CEP162: variants seen among roughly 807,000 people sequenced by gnomAD.
CEP162 encodes centrosomal protein 162.
CEP162 carries 141 observed loss-of-function variants against 169.2 expected under a neutral mutation model. The observed-to-expected ratio is 0.83, with a 90% CI of 0.73 to 0.96. The LOEUF (loss-of-function observed/expected upper bound fraction) is 0.96. CEP162 is among the 40% of genes least tolerant of loss of function. The pLI, the probability that CEP162 is intolerant of heterozygous loss-of-function variation, is 0.00. For missense variants in CEP162, 1,600 were observed against 1,587.2 expected (o/e 1.01, Z -0.14); for synonymous variants, 540 against 526.4 (o/e 1.03, Z -0.35).
At chr6:84,132,044 C>T (rs1658779012) in intron 25 of CEP162, among the ~76,000 whole-genome samples, 1 of 152,168 alleles carries the variant, frequency 6.6e-6, no homozygotes, top group Admixed American at 6.6e-5. Flanking sequence ...CTGGTGGTGA[C>T]AAAATCTCTC....
intron 25 of CEP162, among the ~76,000 whole-genome samples, chr6:84,130,094 C>T (rs2129184094): frequency 6.6e-6 from 1 of 152,190 alleles, no homozygotes; most frequent in South Asian, 2.1e-4. Flanking sequence ...TTGTCGAAGG[C>T]CTCTTCTGCA....
chr6:84,181,958 A>G (rs1408151534), intron 13 of CEP162, among the ~76,000 whole-genome samples: 1 of 152,140 alleles, frequency 6.6e-6, no homozygotes, highest in Non-Finnish European at 1.5e-5. Flanking sequence ...TGTTTTTCAT[A>G]ATCTCTTTCC....
At chr6:84,214,245 C>T (rs2099550681) in intron 5 of CEP162, among the ~76,000 whole-genome samples, 1 of 152,204 alleles carries the variant, frequency 6.6e-6, no homozygotes, top group African/African-American at 2.4e-5. Context: ...TGCCACTGCA[C>T]TCCAGCCTGG....
At chr6:84,193,293 A>G (rs1165570017) in intron 11 of CEP162, among the ~76,000 whole-genome samples, 3 of 152,246 alleles carry the variant, frequency 2.0e-5, no homozygotes, top group African/African-American at 7.2e-5. Context: ...TGACTCATAA[A>G]CATAATAAAA....
At chr6:84,181,887 T>C (rs1280173942) in intron 13 of CEP162, among the ~76,000 whole-genome samples, 1 of 152,098 alleles carries the variant, frequency 6.6e-6, no homozygotes, top group Non-Finnish European at 1.5e-5. Flanking sequence ...AAGGAATCGA[T>C]TGGTAATGTC....
chr6:84,179,524 T>C lies in CEP162; in HGVS notation c.1664-4177A>G, dbSNP rs559384189. ...ACCCACTTTTTGATGGGGTTGTTTT[T>C]TTTCTTGTAAATTTGAGTTCTTTGT... On this transcript the variant is annotated intron_variant, in intron 13 of 26. Transcript: ENST00000403245. Among the ~76,000 whole-genome samples the C allele has an allele frequency of 3.8e-4, 58 of 152,324 alleles. 1 individual carries two copies. In the South Asian group the frequency reaches 0.011, roughly 29 times the overall value.
chr6:84,221,449 A>C (rs969422522), intron 2 of CEP162, among the ~76,000 whole-genome samples: 1 of 152,186 alleles, frequency 6.6e-6, no homozygotes, highest in African/African-American at 2.4e-5. Flanking sequence ...TTTTCAGCAA[A>C]GAAAAAACGG....
At chr6:84,210,536 G>T (rs7767823) in intron 6 of CEP162, among the ~76,000 whole-genome samples, 9,212 of 152,144 alleles carry the variant, frequency 0.061, 911 homozygotes, top group African/African-American at 0.21. Context: ...GGGGAGATTG[G>T]GACAGTATCA....
intron 9 of CEP162, among the ~76,000 whole-genome samples, chr6:84,195,854 A>G (rs2099541924): frequency 1.3e-5 from 2 of 152,168 alleles, no homozygotes; most frequent in South Asian, 4.1e-4. Context: ...ACTATTACCC[A>G]TATGCTTATG....
intron 21 of CEP162, among the ~76,000 whole-genome samples, chr6:84,156,578 C>T (rs901157497): frequency 6.6e-6 from 1 of 151,940 alleles, no homozygotes; most frequent in Non-Finnish European, 1.5e-5. Flanking sequence ...CAGACGTTAG[C>T]GAGGATGTGG....
At chr6:84,142,475 AAG>A (rs1340439848) in intron 25 of CEP162, among the ~76,000 whole-genome samples, 3 of 152,164 alleles carry the variant, frequency 2.0e-5, no homozygotes, top group Non-Finnish European at 4.4e-5. Flanking sequence ...TAATTCATAA[AAG>A]AGCACTATTT....
chr6:84,189,522 T>A (rs1024984751), intron 11 of CEP162, among the ~76,000 whole-genome samples: 1 of 152,214 alleles, frequency 6.6e-6, no homozygotes, highest in Non-Finnish European at 1.5e-5. Context: ...GGCCAGTGGC[T>A]GCAGAGGGTG....
intron 6 of CEP162, 69 bp downstream of exon 6, chr6:84,212,888 T>C: frequency 1.0e-6 from 1 of 955,672 alleles, no homozygotes; most frequent in South Asian, 1.6e-5. Flanking sequence ...TTATTTTTCT[T>C]ATTAATGTCT....
intron 25 of CEP162, among the ~76,000 whole-genome samples, chr6:84,138,058 T>A (rs1391645235): frequency 6.6e-6 from 1 of 152,338 alleles, no homozygotes; most frequent in South Asian, 2.1e-4. Context: ...TGAAAACTTA[T>A]AAATCATTGC....
rs1207142524 is a variant in CEP162, at chr6:84,212,944, C to A, written c.571+13G>T. 1 of 1,468,466 alleles carries A rather than the reference C, an allele frequency of 6.8e-7. No homozygotes were observed. Among genetic ancestry groups the A allele is most frequent in the Non-Finnish European group, 9.3e-7 (1 of 1,075,138 alleles). 91.0% of individuals were successfully genotyped at this position (1,468,466 alleles called of 1,614,324 possible). ...TTTTCAAATATTATAAATTTAAGAA[C>A]CAATGAAATTACCTGCCAGTTCTTC... On this transcript the variant is annotated intron_variant, in intron 6 of 26. Transcript: ENST00000403245.
Position 84,185,164 on chromosome 6 carries a change from CTAAA to C in CEP162, c.1663+19_1663+22del. On this transcript the variant is annotated intron_variant, in intron 13 of 26. Coordinates refer to ENST00000403245, the MANE Select transcript of CEP162 (RefSeq NM_014895.4). ...GAAGCAAAGAAAGTAAAACAATATA[CTAAA>C]TAAAGAGTATATGATTACCTTTTTT... 1 of 1,565,518 alleles carries C rather than the reference CTAAA, an allele frequency of 6.4e-7. No individual in the cohort carries two copies. The highest frequency in any genetic ancestry group is 1.1e-5 in the South Asian group (1 of 88,738).
At chr6:84,129,680 C>A (rs959464574) in intron 25 of CEP162, among the ~76,000 whole-genome samples, 5 of 152,210 alleles carry the variant, frequency 3.3e-5, no homozygotes, top group Admixed American at 3.3e-4. Flanking sequence ...TTAATTAGAT[C>A]CCATTTGTCA....
intron 6 of CEP162, among the ~76,000 whole-genome samples, chr6:84,208,777 G>A (rs1240356499): frequency 6.6e-6 from 1 of 152,194 alleles, no homozygotes; most frequent in Non-Finnish European, 1.5e-5. Context: ...AACACTGCTT[G>A]GGATTTTCTA....
intron 18 of CEP162, among the ~76,000 whole-genome samples, chr6:84,165,043 C>G (rs2099527290): frequency 6.6e-6 from 1 of 151,716 alleles, no homozygotes; most frequent in Non-Finnish European, 1.5e-5. Context: ...GTGTTTTGAA[C>G]ACTCCTACCT....
Sources: gnomAD v4.1 joint callset for allele counts (sites outside exome capture counted in the v4.1 genomes callset) on GRCh38, gnomAD v4.1.1 for gene constraint, MANE v1.5 for transcripts, NCBI Gene and HGNC (gene_info 2026-07-23, HGNC 2026-07-21) for gene names.